The following COMMD1 variants were observed in gnomAD, a reference collection of about 807,000 sequenced individuals.
COMMD1 encodes the protein COMM domain-containing protein 1.
In COMMD1, 10 loss-of-function variants were observed where a neutral mutation model predicts 17.2. The observed-to-expected ratio is 0.58, with a 90% CI of 0.36 to 0.99. The LOEUF is 0.99. Among genes scored for constraint, COMMD1 ranks in the 50% least tolerant of loss-of-function variants. The pLI is 0.01. For missense variants in COMMD1, 270 were observed against 231.8 expected (o/e 1.17, Z -1.07); for synonymous variants, 97 against 91.6 (o/e 1.06, Z -0.34).
At chr2:62,076,018 A>T (rs1014872077) in intron 2 of COMMD1, among the ~76,000 whole-genome samples, 15 of 152,192 alleles carry the variant, frequency 9.9e-5, no homozygotes, top group African/African-American at 3.4e-4. Flanking sequence ...AATGGAAAAG[A>T]CCTTGCTGTT....
intron 2 of COMMD1, among the ~76,000 whole-genome samples, chr2:62,074,038 C>T (rs1671271388): frequency 6.6e-6 from 1 of 152,082 alleles, no homozygotes; most frequent in Non-Finnish European, 1.5e-5. Flanking sequence ...TATTTTTTCT[C>T]TTAACACTAT....
intron 2 of COMMD1, among the ~76,000 whole-genome samples, chr2:62,085,987 CAAAACA>C (rs1287313547): frequency 2.0e-5 from 3 of 150,290 alleles, no homozygotes; most frequent in Non-Finnish European, 4.4e-5. Flanking sequence ...CAAAACAAAA[CAAAACA>C]AAAACAAAAA....
intron 2 of COMMD1, among the ~76,000 whole-genome samples, chr2:62,078,265 A>T (rs1317338518): frequency 6.8e-5 from 10 of 147,130 alleles, no homozygotes; most frequent in Admixed American, 2.7e-4. Flanking sequence ...AAAAAAAAAA[A>T]AGGTGGAGCC....
chr2:61,982,624 A>T (rs1254370390), intron 1 of COMMD1, among the ~76,000 whole-genome samples: 1 of 152,176 alleles, frequency 6.6e-6, no homozygotes, highest in Non-Finnish European at 1.5e-5. Flanking sequence ...TGGATCTGTC[A>T]TATATGGCTT....
At chr2:62,080,685 T>C (rs1671490232) in intron 2 of COMMD1, among the ~76,000 whole-genome samples, 1 of 152,026 alleles carries the variant, frequency 6.6e-6, no homozygotes, top group African/African-American at 2.4e-5. Context: ...AAAACTTAAA[T>C]AAGAGATCCC....
intron 2 of COMMD1, among the ~76,000 whole-genome samples, chr2:62,050,553 T>G (rs1300815554): frequency 6.6e-6 from 1 of 152,228 alleles, no homozygotes; most frequent in Non-Finnish European, 1.5e-5. Flanking sequence ...TTGTCTTCTC[T>G]GCTACTATGT....
intron 2 of COMMD1, among the ~76,000 whole-genome samples, chr2:62,077,837 C>G (rs1671388521): frequency 1.3e-5 from 2 of 152,098 alleles, no homozygotes; most frequent in East Asian, 3.9e-4. Context: ...TTCAGAAATA[C>G]ATTGGTTTGG....
intron 1 of COMMD1, chr2:61,915,862 A>AT (rs1670034797): frequency 2.2e-5 from 6 of 275,214 alleles, no homozygotes; most frequent in South Asian, 2.1e-4. Context: ...TAAAATAGAG[A>AT]TGGGGTCTTA....
chr2:62,094,197 A>T (rs1671932143), intron 2 of COMMD1, among the ~76,000 whole-genome samples: 1 of 152,160 alleles, frequency 6.6e-6, no homozygotes, highest in African/African-American at 2.4e-5. Context: ...CAGGGTCAAG[A>T]GTGTTACAGT....
chr2:62,012,319 TGGCAG>T (rs1669304013), intron 2 of COMMD1, among the ~76,000 whole-genome samples: 1 of 147,140 alleles, frequency 6.8e-6, no homozygotes, highest in South Asian at 2.2e-4. Flanking sequence ...ACGTGACCTT[TGGCAG>T]TGATTTTTTT....
At chr2:61,957,056 G>T (rs1029190620) in intron 1 of COMMD1, among the ~76,000 whole-genome samples, 1 of 151,144 alleles carries the variant, frequency 6.6e-6, no homozygotes, top group Non-Finnish European at 1.5e-5. Flanking sequence ...CGGCAAGAAG[G>T]TGCATAGTTT....
chr2:61,958,538 A>T (rs978174260), intron 1 of COMMD1, among the ~76,000 whole-genome samples: 3 of 152,126 alleles, frequency 2.0e-5, no homozygotes, highest in Non-Finnish European at 4.4e-5. Context: ...AAGTGCTGGG[A>T]TTACAGATGT....
At chr2:61,926,878 CTG>C (rs892971723) in intron 1 of COMMD1, among the ~76,000 whole-genome samples, 4 of 152,058 alleles carry the variant, frequency 2.6e-5, no homozygotes, top group African/African-American at 9.7e-5. Flanking sequence ...ACAGGTGCCT[CTG>C]TGATTTGTTT....
chr2:62,072,304 G>A lies in COMMD1; in HGVS notation c.463-63527G>A, dbSNP rs571845269. 1.1e-4 allele frequency among the ~76,000 whole-genome samples: 16 copies of A among 152,068 alleles called. No individual in the cohort carries two copies. The South Asian group carries it at 3.1e-3, about 30-fold the overall frequency. On this transcript the variant is annotated intron_variant, in intron 2 of 2. Coordinates refer to ENST00000311832, the MANE Select transcript of COMMD1 (RefSeq NM_152516.4). ...CCCTGACCAGAGTGAGAACTTCCTC[G>A]ATGCCTTTTAACCAATCAAATGGTG...
At chr2:62,031,251 A>C (rs1669901448) in intron 2 of COMMD1, among the ~76,000 whole-genome samples, 1 of 152,248 alleles carries the variant, frequency 6.6e-6, no homozygotes, top group Non-Finnish European at 1.5e-5. Flanking sequence ...AGGCCTCTGT[A>C]TAACAGAAGA....
chr2:62,006,284 C>T (rs1669117000), intron 2 of COMMD1, among the ~76,000 whole-genome samples: 1 of 150,312 alleles, frequency 6.7e-6, no homozygotes, highest in Non-Finnish European at 1.5e-5. Flanking sequence ...CAGCATGGCA[C>T]GTGTATATAT....
chr2:62,120,805 A>C (rs1238940721), intron 2 of COMMD1, among the ~76,000 whole-genome samples: 1 of 152,102 alleles, frequency 6.6e-6, no homozygotes, highest in Non-Finnish European at 1.5e-5. Context: ...AGCTCACTGC[A>C]GTCTTGACCT....
intron 2 of COMMD1, among the ~76,000 whole-genome samples, chr2:62,106,649 C>T (rs1672331325): frequency 1.3e-5 from 2 of 152,204 alleles, no homozygotes; most frequent in Admixed American, 6.5e-5. Context: ...AGAGTCGTCT[C>T]AGGATTTTCA....
chr2:62,006,815 A>G (rs982362382), intron 2 of COMMD1, among the ~76,000 whole-genome samples: 5 of 152,130 alleles, frequency 3.3e-5, no homozygotes. Flanking sequence ...TTCAGTAGAG[A>G]TTATGATAGA....
Sources: gnomAD v4.1 joint callset for allele counts (sites outside exome capture counted in the v4.1 genomes callset) on GRCh38, gnomAD v4.1.1 for gene constraint, MANE v1.5 for transcripts, NCBI Gene and HGNC (gene_info 2026-07-23, HGNC 2026-07-21) for gene names.